Variants in LARGE1 observed in about 807,000 individuals in gnomAD.
LARGE1 encodes xylosyl- and glucuronyltransferase LARGE1.
Under a neutral mutation model 87.6 loss-of-function variants are expected in LARGE1, and 43 were observed. The ratio of observed to expected loss-of-function variants is 0.49; its 90% CI spans 0.38 to 0.63. LARGE1 has a LOEUF of 0.63. LARGE1 is among the 30% of genes least tolerant of loss of function. The pLI is 0.00. For synonymous variants in LARGE1, 434 were observed against 394.6 expected, an observed-to-expected ratio of 1.10 and a Z score of -1.18; for missense variants, 802 against 1,000.2, an observed-to-expected ratio of 0.80 and a Z score of 2.67.
chr22:33,537,419 C>G (rs1278287135), intron 6 of LARGE1, among the ~76,000 whole-genome samples: 1 of 152,218 alleles, frequency 6.6e-6, no homozygotes, highest in Non-Finnish European at 1.5e-5. Context: ...ATCGCTTCTT[C>G]TCTCTGCAGC....
At position 33,837,422 on chromosome 22, in the gene LARGE1, A is replaced by AG. The variant is rs2063143663; in HGVS notation, c.-82-75865_-82-75864insC. Among the ~76,000 whole-genome samples, 3 of 152,224 alleles carry AG rather than the reference A, an allele frequency of 2.0e-5. No individual in the cohort carries two copies. The East Asian group carries it at 5.8e-4, about 29-fold the overall frequency. On this transcript the variant is annotated intron_variant, in intron 1 of 14. Coordinates refer to ENST00000397394, the MANE Select transcript of LARGE1 (RefSeq NM_133642.5). ...CCTGTCTCCCCCTGCAACATTACGA[A>AG]TTTTTTAACAACAAACACTTTCATG...
intron 5 of LARGE1, among the ~76,000 whole-genome samples, chr22:33,582,766 A>G (rs1237265974): frequency 6.6e-6 from 1 of 152,206 alleles, no homozygotes. Context: ...CTTCCACCAA[A>G]GTTCAGACTC....
At chr22:33,256,929 G>A (rs1927314460) in intron 11 of LARGE1, among the ~76,000 whole-genome samples, 3 of 152,208 alleles carry the variant, frequency 2.0e-5, no homozygotes, top group African/African-American at 7.2e-5. Context: ...GGTGAGGCCG[G>A]CTGTGCTGGC....
intron 6 of LARGE1, among the ~76,000 whole-genome samples, chr22:33,481,567 C>T (rs2069329380): frequency 6.6e-6 from 1 of 152,058 alleles, no homozygotes; most frequent in Non-Finnish European, 1.5e-5. Flanking sequence ...CATTTGTCTT[C>T]TTGTCAAACA....
intron 14 of LARGE1, 101 bp from the exon 15 acceptor site, chr22:33,274,725 G>T: frequency 9.7e-7 from 1 of 1,032,136 alleles, no homozygotes; most frequent in Non-Finnish European, 1.5e-6. Flanking sequence ...TGAATGACTT[G>T]ATAATGGCAC....
intron 1 of LARGE1, among the ~76,000 whole-genome samples, chr22:33,870,960 A>T (rs1298984408): frequency 6.6e-6 from 1 of 152,212 alleles, no homozygotes; most frequent in African/African-American, 2.4e-5. Flanking sequence ...ATGTGGATTC[A>T]AACCCAGATC....
chr22:33,687,497 A>T (rs1303616624), intron 2 of LARGE1, among the ~76,000 whole-genome samples: 1 of 152,004 alleles, frequency 6.6e-6, no homozygotes, highest in Admixed American at 6.6e-5. Context: ...TGCCTTGGAC[A>T]TTAACATATC....
intron 3 of LARGE1, among the ~76,000 whole-genome samples, chr22:33,639,497 G>A (rs2080365923): frequency 6.6e-6 from 1 of 152,202 alleles, no homozygotes; most frequent in Admixed American, 6.5e-5. Context: ...CTCATGCATA[G>A]TTAGCTTCCC....
At chr22:33,379,276 T>A (rs8141665) in intron 9 of LARGE1, among the ~76,000 whole-genome samples, 69 of 150,076 alleles carry the variant, frequency 4.6e-4, no homozygotes, top group African/African-American at 1.0e-3. Context: ...TTTTTTTTTT[T>A]ATTATACTTT....
At chr22:33,493,154 C>CTTTTTT (rs750203810) in intron 6 of LARGE1, among the ~76,000 whole-genome samples, 6 of 109,174 alleles carry the variant, frequency 5.5e-5, no homozygotes, top group South Asian at 3.1e-4. Context: ...GCATGGTGGC[C>CTTTTTT]TTTTTTTTTT....
intron 1 of LARGE1, among the ~76,000 whole-genome samples, chr22:33,870,230 T>C (rs2064233706): frequency 2.0e-5 from 3 of 152,198 alleles, no homozygotes; most frequent in Admixed American, 6.5e-5. Flanking sequence ...AAAGAGAAGC[T>C]AGGCAGAGGC....
At chr22:33,354,154 G>C (rs1396382062) in intron 9 of LARGE1, among the ~76,000 whole-genome samples, 1 of 152,172 alleles carries the variant, frequency 6.6e-6, no homozygotes, top group African/African-American at 2.4e-5. Flanking sequence ...TCGGTGGAAA[G>C]GTGACAAATG....
At chr22:33,691,384 A>G (rs1027668832) in intron 2 of LARGE1, among the ~76,000 whole-genome samples, 2 of 152,102 alleles carry the variant, frequency 1.3e-5, no homozygotes, top group Non-Finnish European at 2.9e-5. Context: ...TGCTGCCCTA[A>G]CACTACAAGC....
intron 9 of LARGE1, among the ~76,000 whole-genome samples, chr22:33,345,303 G>C (rs1032423441): frequency 1.3e-5 from 2 of 152,148 alleles, no homozygotes; most frequent in Admixed American, 1.3e-4. Context: ...AACCCAAGCA[G>C]ATAGAAAAAT....
intron 11 of LARGE1, among the ~76,000 whole-genome samples, chr22:33,305,814 A>G (rs925896004): frequency 6.6e-6 from 1 of 151,516 alleles, no homozygotes; most frequent in African/African-American, 2.4e-5. Context: ...TTGCTAACCA[A>G]ATTGACCAGA....
chr22:33,438,374 T>C (rs1024945296), intron 6 of LARGE1, among the ~76,000 whole-genome samples: 1 of 152,184 alleles, frequency 6.6e-6, no homozygotes, highest in African/African-American at 2.4e-5. Context: ...TTGTCATTGT[T>C]TTCCAAGCTG....
At chr22:33,126,920 T>C in the LARGE1 span, among the ~76,000 whole-genome samples, 7 of 152,224 alleles carry the variant, frequency 4.6e-5, no homozygotes, top group Non-Finnish European at 7.3e-5. Flanking sequence ...AGAGAGTCCA[T>C]GATGGCTGAT....
chr22:33,451,563 C>CTT (rs34445472), intron 6 of LARGE1, among the ~76,000 whole-genome samples: 7,348 of 139,916 alleles, frequency 0.053, 221 homozygotes, highest in African/African-American at 0.074. Context: ...GTATCTCATT[C>CTT]TTTTTTTTTT....
chr22:33,189,753 G>C (rs1405261297), intron 11 of LARGE1, among the ~76,000 whole-genome samples: 1 of 152,096 alleles, frequency 6.6e-6, no homozygotes, highest in Non-Finnish European at 1.5e-5. Flanking sequence ...GGGAAGAGAG[G>C]GCACAGACTG....
Sources: allele counts gnomAD v4.1 joint callset (sites outside exome capture counted in the v4.1 genomes callset), GRCh38; gene constraint gnomAD v4.1.1; transcripts MANE v1.5; gene names NCBI Gene and HGNC (gene_info 2026-07-23, HGNC 2026-07-21).